The following SYN3 variants were observed in gnomAD, a reference collection of about 807,000 sequenced individuals.
SYN3 encodes synapsin-3.
SYN3 carries 35 observed loss-of-function variants against 65.8 expected under a neutral mutation model. That is an observed-to-expected ratio of 0.53 (90% CI 0.41 to 0.70). The LOEUF (loss-of-function observed/expected upper bound fraction) is 0.70, where lower values mean the gene tolerates loss of function less well. Among genes scored for constraint, SYN3 ranks in the 30% least tolerant of loss-of-function variants. SYN3 has a pLI of 0.00. For synonymous variants in SYN3, 270 were observed against 292.9 expected (o/e 0.92, Z 0.80); for missense variants, 680 against 749.0 (o/e 0.91, Z 1.08).
At chr22:32,535,462 G>A (rs8141768) in intron 9 of SYN3, among the ~76,000 whole-genome samples, 2,328 of 152,232 alleles carry the variant, frequency 0.015, 73 homozygotes, top group African/African-American at 0.054. Context: ...ACGTGGCCAC[G>A]TTTGGGGACA....
intron 12 of SYN3, among the ~76,000 whole-genome samples, chr22:32,522,132 A>G (rs530045899): frequency 6.6e-6 from 1 of 152,234 alleles, no homozygotes; most frequent in South Asian, 2.1e-4. Context: ...ATTAAAAGAA[A>G]ATTTCACTTT....
chr22:32,864,959 A>G lies in SYN3; in HGVS notation c.667T>C (p.Phe223Leu), dbSNP rs1359962367. Residue 223 changes from phenylalanine to leucine, a missense_variant, in exon 6 of 14, where the codon TTC becomes CTC. By Grantham distance (22) the Phe-to-Leu change is conservative. Coordinates refer to ENST00000358763, the MANE Select transcript of SYN3 (RefSeq NM_003490.4). ...AAAAATGTTTGCTCCACAAGCGGGA[A>G]CTTCTCAGGACCCAGGGAATGGAAG... ...KIFHSLGPEK[F>L]PLVEQTFFPN... 6.2e-7 allele frequency: 1 copy of G among 1,614,018 alleles called. No homozygotes were observed. The highest frequency in any genetic ancestry group is 8.5e-7 in the Non-Finnish European group (1 of 1,179,996).
At chr22:33,024,514 A>T (rs1042907504) in intron 1 of SYN3, among the ~76,000 whole-genome samples, 1 of 152,204 alleles carries the variant, frequency 6.6e-6, no homozygotes, top group South Asian at 2.1e-4. Context: ...AAGATGGTAC[A>T]TTGGAGTACA....
intron 7 of SYN3, chr22:32,584,281 C>A (rs1437962489): frequency 6.6e-6 from 1 of 152,204 alleles, no homozygotes; most frequent in Non-Finnish European, 1.5e-5. Flanking sequence ...GACGCAATAT[C>A]CACCTCAAAG....
chr22:32,765,447 A>G (rs2045597732), intron 6 of SYN3, among the ~76,000 whole-genome samples: 1 of 152,192 alleles, frequency 6.6e-6, no homozygotes, highest in South Asian at 2.1e-4. Flanking sequence ...CCTCTCTGGT[A>G]ACCACAGAAC....
At chr22:32,631,178 C>T (rs1048707184) in intron 6 of SYN3, among the ~76,000 whole-genome samples, 3 of 151,302 alleles carry the variant, frequency 2.0e-5, no homozygotes, top group Non-Finnish European at 3.0e-5. Flanking sequence ...GCCTGTAATC[C>T]CAGCTACTCG....
At chr22:32,773,406 CAAAAAAAAAAAA>C (rs61583056) in intron 6 of SYN3, among the ~76,000 whole-genome samples, 1 of 91,176 alleles carries the variant, frequency 1.1e-5, no homozygotes, top group Non-Finnish European at 2.1e-5. Flanking sequence ...GACTCTGTCT[CAAAAAAAAAAAA>C]AAAAAAAAAA....
At position 32,903,032 on chromosome 22, in the gene SYN3, A is replaced by G. The variant is rs149649792; in HGVS notation, c.461+28358T>C. On this transcript the variant is annotated intron_variant, in intron 4 of 13. Transcript: ENST00000358763. ...ATTCAGAATCACAGTCTTAAAAAAC[A>G]CGCTCTCTACTGTTTTTCGAGTACA... Among the ~76,000 whole-genome samples, 391 of 152,300 alleles carry G rather than the reference A, an allele frequency of 2.6e-3. 2 individuals are homozygous for G. The highest frequency in any genetic ancestry group is 9.0e-3 in the African/African-American group (375 of 41,566).
chr22:32,954,355 C>G (rs895912798), intron 3 of SYN3, among the ~76,000 whole-genome samples: 1 of 152,154 alleles, frequency 6.6e-6, no homozygotes, highest in Non-Finnish European at 1.5e-5. Flanking sequence ...TTTAGAAGGT[C>G]GACAGACCTA....
chr22:32,914,438 G>GT lies in SYN3; in HGVS notation c.461+16951dup, dbSNP rs137545. Among the ~76,000 whole-genome samples the GT allele has an allele frequency of 8.5e-4, 102 of 119,574 alleles. 1 individual carries two copies. Among genetic ancestry groups the GT allele is most frequent in the Middle Eastern group, 3.9e-3 (1 of 254 alleles). 78.4% of individuals were successfully genotyped at this position (119,574 alleles called of 152,430 possible). On this transcript the variant is annotated intron_variant, in intron 4 of 13. Transcript: ENST00000358763. ...ATAGTAACAGGCCCTATCATGTGGA[G>GT]TTTTTTTTTTTTTTTTTGAGACGGA...
chr22:32,865,108 C>G, intron 5 of SYN3, 104 bp from the exon 6 acceptor site: 1 of 898,152 alleles, frequency 1.1e-6, no homozygotes, highest in East Asian at 2.5e-5. Context: ...CTGAGCCGAG[C>G]TTCAGTAGGT....
intron 3 of SYN3, among the ~76,000 whole-genome samples, chr22:32,941,216 T>C (rs910907749): frequency 6.6e-6 from 1 of 152,106 alleles, no homozygotes; most frequent in Non-Finnish European, 1.5e-5. Context: ...AGAAAGCACA[T>C]CTATTCTTTT....
intron 7 of SYN3, among the ~76,000 whole-genome samples, chr22:32,554,875 T>C (rs2058470741): frequency 6.6e-6 from 1 of 152,222 alleles, no homozygotes; most frequent in Non-Finnish European, 1.5e-5. Context: ...TTGGGTAAGT[T>C]ACTTAACCTC....
chr22:32,786,035 A>G (rs2046186504), intron 6 of SYN3, among the ~76,000 whole-genome samples: 1 of 152,146 alleles, frequency 6.6e-6, no homozygotes. Context: ...AAAATACAGC[A>G]TTCTAGCAAG....
intron 6 of SYN3, among the ~76,000 whole-genome samples, chr22:32,823,618 C>T (rs1425444408): frequency 2.0e-5 from 3 of 152,284 alleles, no homozygotes; most frequent in South Asian, 2.1e-4. Context: ...CCAAGAGCAA[C>T]TTAGGGGGCC....
chr22:32,972,651 A>C (rs2052054553), intron 3 of SYN3, among the ~76,000 whole-genome samples: 1 of 152,166 alleles, frequency 6.6e-6, no homozygotes, highest in African/African-American at 2.4e-5. Context: ...CTTCACCAAC[A>C]ACTATAGCAG....
intron 2 of SYN3, among the ~76,000 whole-genome samples, chr22:33,002,733 G>A (rs908992353): frequency 1.3e-5 from 2 of 152,222 alleles, no homozygotes; most frequent in Admixed American, 6.5e-5. Context: ...AGGAGTGAAT[G>A]AGTGTATATA....
At chr22:32,826,255 T>G (rs1258800615) in intron 6 of SYN3, among the ~76,000 whole-genome samples, 3 of 151,932 alleles carry the variant, frequency 2.0e-5, no homozygotes, top group Non-Finnish European at 2.9e-5. Flanking sequence ...ATGGTGAAAC[T>G]CCATCTCTAC....
intron 6 of SYN3, among the ~76,000 whole-genome samples, chr22:32,663,632 G>C (rs2060249650): frequency 6.6e-6 from 1 of 152,050 alleles, no homozygotes; most frequent in Non-Finnish European, 1.5e-5. Flanking sequence ...ACCCAGTCTC[G>C]GGTATGTCTT....
Sources: allele counts gnomAD v4.1 joint callset (sites outside exome capture counted in the v4.1 genomes callset), GRCh38; gene constraint gnomAD v4.1.1; transcripts MANE v1.5; gene names NCBI Gene and HGNC (gene_info 2026-07-23, HGNC 2026-07-21).